Variants in CHL1 observed in about 807,000 individuals in gnomAD.
The protein encoded by CHL1 is cell adhesion molecule L1 like, also known as neural cell adhesion molecule L1-like protein.
A neutral mutation model predicts 141.9 loss-of-function variants in CHL1; 96 were observed. The observed-to-expected ratio is 0.68, with a 90% CI of 0.57 to 0.80. CHL1 has a LOEUF of 0.80. Among genes scored for constraint, CHL1 ranks in the 30% least tolerant of loss-of-function variants. The pLI is 0.00. For synonymous variants in CHL1, 613 were observed against 502.2 expected (o/e 1.22, Z -2.95); for missense variants, 1,820 against 1,457.2 (o/e 1.25, Z -4.05).
chr3:377,339 A>C (rs2387181), intron 15 of CHL1, among the ~76,000 whole-genome samples: 79,039 of 151,984 alleles, frequency 0.52, 20,648 homozygotes, highest in South Asian at 0.61. Flanking sequence ...CGGAGAAAAG[A>C]GAAACTTGTG....
intron 26 of CHL1, 33 bp downstream of exon 26, chr3:399,181 A>G: frequency 6.4e-7 from 1 of 1,559,132 alleles, no homozygotes; most frequent in South Asian, 1.1e-5. Flanking sequence ...TTTTCAACTT[A>G]TTAAAAAGCA....
At chr3:204,759 C>T (rs913001022) in intron 1 of CHL1, among the ~76,000 whole-genome samples, 9 of 151,734 alleles carry the variant, frequency 5.9e-5, no homozygotes, top group Admixed American at 4.6e-4. Context: ...CTGGATGCTG[C>T]ATTTCCATCC....
chr3:326,509 T>A (rs1330212283), intron 4 of CHL1, among the ~76,000 whole-genome samples: 1 of 151,988 alleles, frequency 6.6e-6, no homozygotes, highest in Admixed American at 6.6e-5. Flanking sequence ...TGATTTTTTT[T>A]AAGTTGTCAT....
chr3:239,391 G>A (rs1046348386), intron 1 of CHL1, among the ~76,000 whole-genome samples: 2 of 152,066 alleles, frequency 1.3e-5, no homozygotes, highest in East Asian at 3.9e-4. Context: ...CACTTGCTCC[G>A]TTTTCAGTCT....
At chr3:262,555 A>T (rs1201076478) in intron 2 of CHL1, among the ~76,000 whole-genome samples, 3 of 149,840 alleles carry the variant, frequency 2.0e-5, no homozygotes, top group African/African-American at 7.5e-5. Flanking sequence ...CACACGTTTA[A>T]GCCTAGATCT....
chr3:212,780 C>A (rs756081673), intron 1 of CHL1, among the ~76,000 whole-genome samples: 1 of 152,166 alleles, frequency 6.6e-6, no homozygotes, highest in African/African-American at 2.4e-5. Context: ...AAGCTCCTGT[C>A]TTTTCACACA....
chr3:213,449 C>G (rs1176478261), intron 1 of CHL1: 2 of 152,030 alleles, frequency 1.3e-5, no homozygotes, highest in African/African-American at 4.8e-5. Context: ...AGGTGAATTC[C>G]AAGATGAAAT....
chr3:232,720 G>A (rs80284404), intron 1 of CHL1, among the ~76,000 whole-genome samples: 2,544 of 152,046 alleles, frequency 0.017, 32 homozygotes, highest in Middle Eastern at 0.027. Context: ...TTGCCACCCT[G>A]TGAGTGAAAT....
At chr3:240,367 T>G (rs1359018801) in intron 1 of CHL1, among the ~76,000 whole-genome samples, 1 of 152,194 alleles carries the variant, frequency 6.6e-6, no homozygotes, top group Non-Finnish European at 1.5e-5. Flanking sequence ...GCATTTTTTT[T>G]CTTATGTTTG....
At chr3:231,371 C>T (rs1701833482) in intron 1 of CHL1, among the ~76,000 whole-genome samples, 2 of 152,036 alleles carry the variant, frequency 1.3e-5, no homozygotes, top group Admixed American at 1.3e-4. Flanking sequence ...CTCTCTTCCC[C>T]TTGAACAGAG....
chr3:221,522 C>T (rs1178258529), intron 1 of CHL1, among the ~76,000 whole-genome samples: 5 of 152,170 alleles, frequency 3.3e-5, no homozygotes, highest in African/African-American at 4.8e-5. Flanking sequence ...AATCTCATCC[C>T]TTTTACTTTT....
chr3:321,637 G>A (rs1700574335), intron 3 of CHL1, among the ~76,000 whole-genome samples: 1 of 152,062 alleles, frequency 6.6e-6, no homozygotes, highest in African/African-American at 2.4e-5. Flanking sequence ...GGTGAAGGAT[G>A]TGAAATTTTG....
chr3:394,183 T>G (rs915151720), intron 23 of CHL1, among the ~76,000 whole-genome samples: 1 of 152,240 alleles, frequency 6.6e-6, no homozygotes, highest in South Asian at 2.1e-4. Context: ...AATATATTCC[T>G]TCATTTATTG....
At chr3:366,826 G>T (rs189592230) in intron 15 of CHL1, among the ~76,000 whole-genome samples, 1 of 152,300 alleles carries the variant, frequency 6.6e-6, no homozygotes, top group African/African-American at 2.4e-5. Context: ...TCACCCCATT[G>T]GTACTACTCG....
At chr3:347,998 A>G in intron 9 of CHL1, among the ~76,000 whole-genome samples, 1 of 152,248 alleles carries the variant, frequency 6.6e-6, no homozygotes, top group East Asian at 1.9e-4. Flanking sequence ...GAATTATTTT[A>G]ACCACAAACT....
chr3:400,968 C>T (rs138113747), intron 26 of CHL1, among the ~76,000 whole-genome samples: 1,836 of 127,218 alleles, frequency 0.014, 44 homozygotes, highest in African/African-American at 0.049. Flanking sequence ...GTGGTTCTAT[C>T]TCATCTCTTT....
chr3:362,849 T>A (rs1303035030), intron 13 of CHL1, among the ~76,000 whole-genome samples: 1 of 152,216 alleles, frequency 6.6e-6, no homozygotes, highest in African/African-American at 2.4e-5. Flanking sequence ...AGGTTCATTA[T>A]CTCTTTCAAT....
chr3:310,278 T>A (rs188850446), intron 2 of CHL1, among the ~76,000 whole-genome samples: 4 of 151,952 alleles, frequency 2.6e-5, no homozygotes, highest in Non-Finnish European at 4.4e-5. Context: ...AATTTTTTTT[T>A]TAATTAGCTG....
chr3:347,961 C>A (rs548236039), intron 9 of CHL1, among the ~76,000 whole-genome samples: 2 of 152,136 alleles, frequency 1.3e-5, no homozygotes, highest in Admixed American at 1.3e-4. Context: ...TTCATCTTTA[C>A]CTCCAATTTT....
Sources: gnomAD v4.1 joint callset for allele counts (sites outside exome capture counted in the v4.1 genomes callset) on GRCh38, gnomAD v4.1.1 for gene constraint, MANE v1.5 for transcripts, NCBI Gene and HGNC (gene_info 2026-07-23, HGNC 2026-07-21) for gene names.